Variants in APLF observed in about 807,000 individuals in gnomAD.
APLF encodes the protein aprataxin and PNKP like factor, also known as aprataxin and PNK-like factor.
A neutral mutation model predicts 55.6 loss-of-function variants in APLF; 61 were observed. The ratio of observed to expected loss-of-function variants is 1.10; its 90% CI spans 0.89 to 1.36. The LOEUF (loss-of-function observed/expected upper bound fraction) is 1.36. Among genes scored for constraint, APLF ranks in the 40% most tolerant of loss-of-function variants. APLF has a pLI of 0.00. For synonymous variants in APLF, 207 were observed against 214.8 expected, an observed-to-expected ratio of 0.96 and a Z score of 0.32; for missense variants, 611 against 602.5, an observed-to-expected ratio of 1.01 and a Z score of -0.15.
chr2:68,480,804 G>T (rs1185710162), intron 1 of APLF, among the ~76,000 whole-genome samples: 1 of 152,076 alleles, frequency 6.6e-6, no homozygotes, highest in Non-Finnish European at 1.5e-5. Flanking sequence ...TACCTGATTT[G>T]TTGAGTGTTT....
chr2:68,575,073 T>C (rs1037425319), intron 9 of APLF, among the ~76,000 whole-genome samples: 3 of 152,184 alleles, frequency 2.0e-5, no homozygotes, highest in African/African-American at 7.2e-5. Flanking sequence ...TTTGTTGTCA[T>C]GTGTTGATAA....
intron 8 of APLF, among the ~76,000 whole-genome samples, chr2:68,552,596 A>G (rs1170885144): frequency 6.6e-6 from 1 of 152,124 alleles, no homozygotes; most frequent in Non-Finnish European, 1.5e-5. Flanking sequence ...TAAAAAGAGT[A>G]TTCTCCTACC....
At chr2:68,554,992 G>GA (rs1450317055) in intron 8 of APLF, among the ~76,000 whole-genome samples, 1 of 151,880 alleles carries the variant, frequency 6.6e-6, no homozygotes, top group South Asian at 2.1e-4. Flanking sequence ...AGAGAGCCCA[G>GA]AAAAAAACCC....
At chr2:68,557,509 T>A (rs771232861) in intron 8 of APLF, among the ~76,000 whole-genome samples, 1 of 152,220 alleles carries the variant, frequency 6.6e-6, no homozygotes, top group Non-Finnish European at 1.5e-5. Flanking sequence ...AAATCCAGAT[T>A]ATATTTCATG....
intron 6 of APLF, among the ~76,000 whole-genome samples, chr2:68,530,893 G>A (rs34050760): frequency 0.084 from 12,808 of 151,810 alleles, 607 homozygotes; most frequent in Middle Eastern, 0.12. Context: ...AAAATTTTCA[G>A]ACTGGAAAAA....
Position 68,577,941 on chromosome 2 carries a change from G to C in APLF, c.1455G>C (p.Trp485Cys). The change falls in exon 10 of 10, where the codon TGG becomes TGC. Residue 485 changes from tryptophan to cysteine, a missense_variant. Physicochemically the swap from Trp to Cys is radical, Grantham distance 215. Transcript: ENST00000303795. ...DYEPTDEDSDWEPGKEDEEKE... is the reference protein window; with the variant it reads ...DYEPTDEDSDCEPGKEDEEKE... ...AGCCAACAGATGAAGATTCTGACTG[G>C]GAACCAGGAAAGGAAGATGAAGAGA... The C allele has an allele frequency of 6.2e-7, 1 of 1,613,562 alleles. No individual in the cohort carries two copies. The highest frequency in any genetic ancestry group is 8.5e-7 in the Non-Finnish European group (1 of 1,179,696).
intron 3 of APLF, 50 bp from the exon 4 acceptor site, chr2:68,513,030 G>A (rs946301750): frequency 6.6e-7 from 1 of 1,522,904 alleles, no homozygotes. Context: ...TAAGGCAGCA[G>A]AAGTGTGTTA....
At chr2:68,540,493 T>G (rs1165677376) in intron 7 of APLF, among the ~76,000 whole-genome samples, 2 of 152,152 alleles carry the variant, frequency 1.3e-5, no homozygotes, top group African/African-American at 4.8e-5. Context: ...ATCTTTATGG[T>G]AGAATGATTT....
At chr2:68,475,881 TTA>T (rs141693033) in intron 1 of APLF, among the ~76,000 whole-genome samples, 6 of 148,678 alleles carry the variant, frequency 4.0e-5, no homozygotes, top group Non-Finnish European at 1.5e-5. Flanking sequence ...TTTAAGTCTT[TTA>T]TATATATATA....
chr2:68,468,504 T>G (rs993995490), intron 1 of APLF, among the ~76,000 whole-genome samples: 13 of 152,290 alleles, frequency 8.5e-5, no homozygotes, highest in African/African-American at 2.9e-4. Flanking sequence ...TTATCCTCAT[T>G]GTTCAGATGA....
chr2:68,485,735 T>C (rs1676143670), intron 1 of APLF, among the ~76,000 whole-genome samples: 1 of 151,856 alleles, frequency 6.6e-6, no homozygotes, highest in Non-Finnish European at 1.5e-5. Context: ...AGCCTTACCC[T>C]CTGATAATAC....
At chr2:68,530,938 G>T (rs1313000548) in intron 6 of APLF, among the ~76,000 whole-genome samples, 2 of 152,136 alleles carry the variant, frequency 1.3e-5, no homozygotes, top group African/African-American at 4.8e-5. Flanking sequence ...TCATAATTTG[G>T]CACCTCCATT....
At chr2:68,552,316 G>A (rs1472373477) in intron 8 of APLF, among the ~76,000 whole-genome samples, 1 of 151,962 alleles carries the variant, frequency 6.6e-6, no homozygotes, top group East Asian at 1.9e-4. Context: ...TTGTGTTTGG[G>A]GCTCCATTTG....
intron 7 of APLF, among the ~76,000 whole-genome samples, chr2:68,542,670 G>A (rs943332039): frequency 6.6e-6 from 1 of 152,130 alleles, no homozygotes; most frequent in Non-Finnish European, 1.5e-5. Flanking sequence ...ATTGTTGATG[G>A]GGATGTGGAA....
chr2:68,498,571 GCATGAGGAGATGATGCTAGCT>G (rs1676628351), intron 2 of APLF, among the ~76,000 whole-genome samples: 1 of 152,202 alleles, frequency 6.6e-6, no homozygotes. Flanking sequence ...AGGAAATAGT[GCATGAGGAGATGATGCTAGCT>G]CATGAGGAGA....
chr2:68,483,379 T>C (rs749057498), intron 1 of APLF, among the ~76,000 whole-genome samples: 2 of 152,192 alleles, frequency 1.3e-5, no homozygotes, highest in Non-Finnish European at 2.9e-5. Flanking sequence ...CCAGTCTCAC[T>C]GGGGAGATGG....
At chr2:68,551,381 C>A (rs972077743) in intron 8 of APLF, among the ~76,000 whole-genome samples, 1 of 151,866 alleles carries the variant, frequency 6.6e-6, no homozygotes, top group Non-Finnish European at 1.5e-5. Context: ...CAAGTTAATG[C>A]CTTTTATTAG....
At chr2:68,492,167 T>G (rs1164213131) in intron 2 of APLF, among the ~76,000 whole-genome samples, 1 of 152,214 alleles carries the variant, frequency 6.6e-6, no homozygotes, top group Non-Finnish European at 1.5e-5. Context: ...TATTTTGTAC[T>G]TTTGTGGCTA....
intron 8 of APLF, among the ~76,000 whole-genome samples, chr2:68,564,138 T>C (rs1415730631): frequency 3.3e-5 from 5 of 152,104 alleles, no homozygotes; most frequent in African/African-American, 1.2e-4. Flanking sequence ...TAATAAAGAC[T>C]GAATTTAATT....
Sources: allele counts gnomAD v4.1 joint callset (sites outside exome capture counted in the v4.1 genomes callset), GRCh38; gene constraint gnomAD v4.1.1; transcripts MANE v1.5; gene names NCBI Gene and HGNC (gene_info 2026-07-23, HGNC 2026-07-21).